Variants in ALKBH8 observed in about 807,000 individuals in gnomAD.
ALKBH8 encodes tRNA (carboxymethyluridine(34)-5-O)-methyltransferase ALKBH8.
In ALKBH8, 36 loss-of-function variants were observed where a neutral mutation model predicts 59.8. The ratio of observed to expected loss-of-function variants is 0.60; its 90% CI spans 0.46 to 0.79. The LOEUF (loss-of-function observed/expected upper bound fraction) is 0.79, where lower values mean the gene tolerates loss of function less well. ALKBH8 is among the 30% of genes least tolerant of loss of function. The pLI, the probability that ALKBH8 is intolerant of heterozygous loss-of-function variation, is 0.00. For missense variants in ALKBH8, 768 were observed against 801.0 expected (o/e 0.96, Z 0.50); for synonymous variants, 276 against 273.6 (o/e 1.01, Z -0.09).
At chr11:107,554,066 ACAAAACTT>A in intron 3 of ALKBH8, 88 bp from the exon 4 acceptor site, 1 of 1,488,150 alleles carries the variant, frequency 6.7e-7, no homozygotes, top group Non-Finnish European at 9.1e-7. Context: ...TTATCAGTTC[ACAAAACTT>A]CAAATCCTCA....
Position 107,511,014 on chromosome 11 carries a change from T to C in ALKBH8, c.1310A>G (p.Asn437Ser), listed in dbSNP as rs750779043. 6.4e-7 allele frequency: 1 copy of C among 1,551,902 alleles called. No homozygotes were observed. The highest frequency in any genetic ancestry group is 8.7e-7 in the Non-Finnish European group (1 of 1,146,996). Residue 437 changes from asparagine to serine, a missense_variant, in exon 11 of 12, where the codon AAC becomes AGC. Transcript: ENST00000428149. ...LYMIGCDRSQ[N>S]LVDICRERQF... ...CCTCTCTCTACAAATGTCCACAAGG[T>C]TTTGGCTACGATCACAACCAATCTG...
chr11:107,510,829 T>C (rs1384564644), intron 11 of ALKBH8, 58 bp downstream of exon 11: 2 of 1,518,776 alleles, frequency 1.3e-6, no homozygotes, highest in East Asian at 4.9e-5. Context: ...GCAAAATTCA[T>C]GAACTCTTCC....
chr11:107,560,247 CTT>C (rs1363939507), intron 2 of ALKBH8, among the ~76,000 whole-genome samples: 1 of 152,088 alleles, frequency 6.6e-6, no homozygotes, highest in Non-Finnish European at 1.5e-5. Context: ...AATGAAAAGA[CTT>C]TGTTAATAAG....
Position 107,505,177 on chromosome 11 carries a change from G to A in ALKBH8, c.1476C>T (p.Leu492=), listed in dbSNP as rs773207996. Residue 492 remains leucine (L), a synonymous_variant, in exon 12 of 12, where the codon CTC becomes CTT. Transcript: ENST00000428149. The part of the protein sequence containing the change: ...RVAALQEIVR[L]LRPGGKALIY... ...TGAGTGCCTTCCCACCTGGTCTCAG[G>A]AGTCGAACAATTTCTTGGAGAGCTG... 8.4e-5 allele frequency: 130 copies of A among 1,548,764 alleles called. No individual in the cohort carries two copies. Among genetic ancestry groups the A allele is most frequent in the Non-Finnish European group, 1.0e-4 (118 of 1,145,612 alleles).
chr11:107,528,999 C>A (rs983739817), intron 8 of ALKBH8, among the ~76,000 whole-genome samples: 2 of 152,048 alleles, frequency 1.3e-5, no homozygotes, highest in African/African-American at 4.8e-5. Flanking sequence ...TTAACAGATA[C>A]AGGGCTGGCA....
chr11:107,522,584 CT>C (rs778987140), intron 9 of ALKBH8, 29 bp from the exon 10 acceptor site: 3 of 1,534,108 alleles, frequency 2.0e-6, no homozygotes, highest in Non-Finnish European at 2.6e-6. Flanking sequence ...CACACCTTTC[CT>C]TTTTATCAGA....
chr11:107,562,234 G>A (rs1864964912), intron 1 of ALKBH8, among the ~76,000 whole-genome samples: 2 of 151,662 alleles, frequency 1.3e-5, no homozygotes, highest in Non-Finnish European at 2.9e-5. Flanking sequence ...GGGAGGCAGA[G>A]GTTGCAGTGA....
At chr11:107,548,151 C>G (rs564404857) in intron 7 of ALKBH8, among the ~76,000 whole-genome samples, 1 of 152,344 alleles carries the variant, frequency 6.6e-6, no homozygotes, top group East Asian at 1.9e-4. Flanking sequence ...TGGCTCAGCC[C>G]TTTCCTCTCA....
chr11:107,538,784 C>G (rs2037824), intron 7 of ALKBH8, among the ~76,000 whole-genome samples: 38,145 of 152,142 alleles, frequency 0.25, 5,550 homozygotes, highest in East Asian at 0.47. Flanking sequence ...ACTGGGAACA[C>G]TTCTGAGAAA....
chr11:107,522,154 G>T (rs2135499810), intron 10 of ALKBH8, 145 bp downstream of exon 10: 3 of 1,054,860 alleles, frequency 2.8e-6, no homozygotes, highest in African/African-American at 1.6e-5. Context: ...GAATAAGAAA[G>T]AATAAAAAAA....
chr11:107,514,397 G>A (rs144075474), intron 10 of ALKBH8, among the ~76,000 whole-genome samples: 6 of 151,948 alleles, frequency 3.9e-5, no homozygotes, highest in South Asian at 2.1e-4. Flanking sequence ...ATTTGTAATC[G>A]GTATTAAACA....
chr11:107,556,907 T>C lies in ALKBH8; in HGVS notation c.226A>G (p.Met76Val), dbSNP rs763619639. ...AATGAGTACGGCTTGTTAGGTGGCATTAAGAGAGCATCCACCAGTCCACAT... is the reference window on the plus strand; with the variant it reads ...AATGAGTACGGCTTGTTAGGTGGCACTAAGAGAGCATCCACCAGTCCACAT... ...EKCGLVDALL[M>V]PPNKPYSFAR... Residue 76 changes from methionine to valine, a missense_variant, in exon 3 of 12, where the codon ATG (methionine) becomes GTG (valine). By Grantham distance (21) the Met-to-Val change is conservative. Coordinates refer to ENST00000428149, the MANE Select transcript of ALKBH8 (RefSeq NM_138775.3). 6.2e-7 allele frequency: 1 copy of C among 1,612,726 alleles called. No individual in the cohort carries two copies. The highest frequency in any genetic ancestry group is 1.1e-5 in the South Asian group (1 of 90,916).
chr11:107,540,672 T>C (rs1335900429), intron 7 of ALKBH8, among the ~76,000 whole-genome samples: 2 of 152,192 alleles, frequency 1.3e-5, no homozygotes, highest in Non-Finnish European at 2.9e-5. Context: ...ATACCATGGC[T>C]TCATTTATTT....
intron 10 of ALKBH8, among the ~76,000 whole-genome samples, chr11:107,517,426 A>G (rs538875369): frequency 6.6e-6 from 1 of 152,346 alleles, no homozygotes; most frequent in African/African-American, 2.4e-5. Flanking sequence ...TATATATCCA[A>G]AGAAAATGAA....
intron 10 of ALKBH8, among the ~76,000 whole-genome samples, chr11:107,512,809 C>A (rs1862694444): frequency 1.3e-5 from 2 of 152,248 alleles, no homozygotes; most frequent in Non-Finnish European, 2.9e-5. Flanking sequence ...AGAATAAAGA[C>A]TATGAATGCT....
At chr11:107,555,914 A>G (rs1864687054) in intron 3 of ALKBH8, among the ~76,000 whole-genome samples, 1 of 152,260 alleles carries the variant, frequency 6.6e-6, no homozygotes, top group South Asian at 2.1e-4. Flanking sequence ...TCCAGTGGCT[A>G]TTGAACTGGG....
chr11:107,529,668 C>A (rs1863500706), intron 8 of ALKBH8, among the ~76,000 whole-genome samples: 2 of 151,870 alleles, frequency 1.3e-5, no homozygotes, highest in South Asian at 4.1e-4. Context: ...CTATGCCTGG[C>A]TAATTTTTGT....
At chr11:107,546,918 C>T (rs1238999204) in intron 7 of ALKBH8, among the ~76,000 whole-genome samples, 1 of 151,934 alleles carries the variant, frequency 6.6e-6, no homozygotes, top group Non-Finnish European at 1.5e-5. Context: ...AGTAATAAAG[C>T]ATTGAAGAAT....
At position 107,510,067 on chromosome 11, in the gene ALKBH8, A is replaced by G. The variant is rs1371861482; in HGVS notation, c.1437+820T>C. ...TGAGGCCTAGTGGCTTTTGCTGTAA[A>G]AAACCTAATATTGTTTGCTGCAGCC... is the stretch of plus-strand genomic sequence containing the variant. On this transcript the variant is annotated intron_variant, in intron 11 of 11. Transcript: ENST00000428149. Among the ~76,000 whole-genome samples, 7 of 152,174 alleles carry G rather than the reference A, an allele frequency of 4.6e-5. No homozygotes were observed. In the East Asian group the frequency reaches 1.3e-3, roughly 29 times the overall value.
Sources: allele counts gnomAD v4.1 joint callset (sites outside exome capture counted in the v4.1 genomes callset), GRCh38; gene constraint gnomAD v4.1.1; transcripts MANE v1.5; gene names NCBI Gene and HGNC (gene_info 2026-07-23, HGNC 2026-07-21).